The following IGSF21 variants were observed in gnomAD, a reference collection of about 807,000 sequenced individuals.
IGSF21 encodes the protein immunoglobulin superfamily member 21.
In IGSF21, 28 loss-of-function variants were observed where a neutral mutation model predicts 46.8. That is an observed-to-expected ratio of 0.60 (90% CI 0.44 to 0.82). The LOEUF is 0.82. IGSF21 is among the 40% of genes least tolerant of loss of function. The pLI is 0.00. For synonymous variants in IGSF21, 284 were observed against 273.6 expected, an observed-to-expected ratio of 1.04 and a Z score of -0.38; for missense variants, 624 against 665.5, an observed-to-expected ratio of 0.94 and a Z score of 0.69.
intron 1 of IGSF21, among the ~76,000 whole-genome samples, chr1:18,193,222 C>A (rs917915920): frequency 3.9e-5 from 6 of 152,016 alleles, no homozygotes; most frequent in South Asian, 2.1e-4. Flanking sequence ...AGCATAGAGG[C>A]CCCTGTGGAG....
chr1:18,126,144 C>A (rs547201715), intron 1 of IGSF21, among the ~76,000 whole-genome samples: 2 of 152,170 alleles, frequency 1.3e-5, no homozygotes, highest in Non-Finnish European at 2.9e-5. Flanking sequence ...CAGGGGACCA[C>A]TTTGGGAGGC....
At chr1:18,332,498 C>CTT (rs71018070) in intron 3 of IGSF21, among the ~76,000 whole-genome samples, 2 of 147,474 alleles carry the variant, frequency 1.4e-5, no homozygotes, top group African/African-American at 2.5e-5. Context: ...CTCTGAGTCT[C>CTT]TTTTTTTTTT....
At chr1:18,187,150 G>C (rs371084020) in intron 1 of IGSF21, among the ~76,000 whole-genome samples, 3 of 152,074 alleles carry the variant, frequency 2.0e-5, no homozygotes, top group African/African-American at 7.2e-5. Context: ...TGGTTCTTGG[G>C]GAGGGCTCTC....
At chr1:18,114,234 A>C (rs1397838585) in intron 1 of IGSF21, 2 of 152,106 alleles carry the variant, frequency 1.3e-5, no homozygotes, top group African/African-American at 4.8e-5. Context: ...CCCGCTAGTA[A>C]AATGTACAGA....
intron 3 of IGSF21, among the ~76,000 whole-genome samples, chr1:18,307,893 C>T (rs2085442464): frequency 6.6e-6 from 1 of 152,192 alleles, no homozygotes; most frequent in Non-Finnish European, 1.5e-5. Flanking sequence ...GACCCCAGGC[C>T]CTTGCTCATG....
chr1:18,184,817 A>C (rs1237753359), intron 1 of IGSF21, among the ~76,000 whole-genome samples: 1 of 152,140 alleles, frequency 6.6e-6, no homozygotes, highest in Non-Finnish European at 1.5e-5. Flanking sequence ...TGTACTTGGC[A>C]TGTCAAATCC....
chr1:18,333,407 G>A (rs1211292074), intron 3 of IGSF21, among the ~76,000 whole-genome samples: 1 of 152,132 alleles, frequency 6.6e-6, no homozygotes, highest in East Asian at 1.9e-4. Context: ...CCAGGAATTC[G>A]CTCTCCCCAC....
chr1:18,334,765 G>A lies in IGSF21; in HGVS notation c.306-127G>A. The A allele has an allele frequency of 1.4e-6, 1 of 719,874 alleles. No individual in the cohort carries two copies. Among genetic ancestry groups the A allele is most frequent in the South Asian group, 1.6e-5 (1 of 64,034 alleles). 44.6% of individuals were successfully genotyped at this position (719,874 alleles called of 1,614,324 possible). A position where few individuals can be genotyped will look rare whatever the true frequency, so the allele number is the denominator to read the frequency against. ...TTCCATAAATGCTCCCCTCCTCCCAGCCCAGCACACAGGCCTGTGTTTGTT... is the reference window on the plus strand; with the variant it reads ...TTCCATAAATGCTCCCCTCCTCCCAACCCAGCACACAGGCCTGTGTTTGTT... On this transcript the variant is annotated intron_variant, in intron 3 of 9. Coordinates refer to ENST00000251296, the MANE Select transcript of IGSF21 (RefSeq NM_032880.5). The surrounding 1 kb of genome is among the most constrained non-coding windows in gnomAD (Gnocchi z 4.3).
chr1:18,171,626 A>AT (rs2086737990), intron 1 of IGSF21, among the ~76,000 whole-genome samples: 1 of 152,346 alleles, frequency 6.6e-6, no homozygotes, highest in Non-Finnish European at 1.5e-5. Context: ...TAGAGTTGTC[A>AT]TGCAGAACCA....
chr1:18,122,482 C>T (rs750810671), intron 1 of IGSF21, among the ~76,000 whole-genome samples: 8 of 152,088 alleles, frequency 5.3e-5, no homozygotes, highest in Non-Finnish European at 7.4e-5. Context: ...TGAGCCACCA[C>T]GCCAAGCCAC....
chr1:18,301,994 A>G (rs223155), intron 3 of IGSF21, among the ~76,000 whole-genome samples: 152,116 of 152,116 alleles, frequency 1, 76,058 homozygotes, highest in Non-Finnish European at 1. Context: ...ATGTGTTTCA[A>G]ATGCTCCGCC....
intron 1 of IGSF21, among the ~76,000 whole-genome samples, chr1:18,150,864 G>C (rs1162149830): frequency 6.6e-6 from 1 of 152,242 alleles, no homozygotes; most frequent in Admixed American, 6.5e-5. Context: ...TCTGCTGGTG[G>C]GGCAAGAGTG....
chr1:18,331,440 G>T (rs150041233), intron 3 of IGSF21, among the ~76,000 whole-genome samples: 1 of 152,306 alleles, frequency 6.6e-6, no homozygotes, highest in African/African-American at 2.4e-5. Context: ...CCATTATTTT[G>T]TTCCTTTTTA....
chr1:18,344,074 G>C (rs1031720782), intron 4 of IGSF21, among the ~76,000 whole-genome samples: 8 of 152,194 alleles, frequency 5.3e-5, no homozygotes, highest in African/African-American at 1.9e-4. Context: ...CTGGATTCTT[G>C]CTTTCTAAGA....
intron 1 of IGSF21, among the ~76,000 whole-genome samples, chr1:18,129,786 A>T (rs1460833686): frequency 6.6e-6 from 1 of 152,222 alleles, no homozygotes; most frequent in African/African-American, 2.4e-5. Flanking sequence ...GCAGTATTAA[A>T]AGGTGGGACT....
At chr1:18,134,469 T>C (rs79804203) in intron 1 of IGSF21, among the ~76,000 whole-genome samples, 18,414 of 152,192 alleles carry the variant, frequency 0.12, 1,408 homozygotes, top group Non-Finnish European at 0.17. Flanking sequence ...CTCATCTCCC[T>C]GGGGGAGGGT....
At chr1:18,158,393 A>G (rs1250078852) in intron 1 of IGSF21, among the ~76,000 whole-genome samples, 2 of 152,224 alleles carry the variant, frequency 1.3e-5, no homozygotes, top group African/African-American at 4.8e-5. Context: ...TTGTGGTTTA[A>G]TACTGTGCGG....
chr1:18,192,700 G>T (rs1037362831), intron 1 of IGSF21, among the ~76,000 whole-genome samples: 2 of 152,130 alleles, frequency 1.3e-5, no homozygotes, highest in East Asian at 3.9e-4. Flanking sequence ...GGTTGGCATC[G>T]TTCCCCTGCA....
At chr1:18,314,579 G>T (rs190588888) in intron 3 of IGSF21, among the ~76,000 whole-genome samples, 1 of 152,274 alleles carries the variant, frequency 6.6e-6, no homozygotes, top group African/African-American at 2.4e-5. Flanking sequence ...GCCCTCTCAT[G>T]ATCCCTGCTT....
Sources: gnomAD v4.1 joint callset for allele counts (sites outside exome capture counted in the v4.1 genomes callset) on GRCh38, gnomAD v4.1.1 for gene constraint, Gnocchi (gnomAD v3.1) non-coding constraint, MANE v1.5 for transcripts, NCBI Gene and HGNC (gene_info 2026-07-23, HGNC 2026-07-21) for gene names.